The following SRC variants were observed in gnomAD, a reference collection of about 807,000 sequenced individuals.
The protein encoded by SRC is SRC proto-oncogene, non-receptor tyrosine kinase.
Under a neutral mutation model 62.9 loss-of-function variants are expected in SRC, and 13 were observed. The observed-to-expected ratio is 0.21, with a 90% confidence interval of 0.13 to 0.33. The LOEUF is 0.33. SRC is among the 10% of genes least tolerant of loss of function. The probability of loss-of-function intolerance (pLI) is 1.00; values close to 1 mark genes in which losing one functional copy is unlikely to be tolerated. For missense variants in SRC, 457 were observed against 737.3 expected, an observed-to-expected ratio of 0.62 and a Z score of 4.40; for synonymous variants, 302 against 317.5, an observed-to-expected ratio of 0.95 and a Z score of 0.52.
chr20:37,370,969 C>T (rs1158542725), intron 2 of SRC, among the ~76,000 whole-genome samples: 1 of 142,240 alleles, frequency 7.0e-6, no homozygotes, highest in Non-Finnish European at 1.5e-5. Flanking sequence ...TCTATTTCTT[C>T]TTCTTCTTCT....
intron 2 of SRC, among the ~76,000 whole-genome samples, chr20:37,381,233 C>G (rs2070361893): frequency 6.6e-6 from 1 of 152,260 alleles, no homozygotes; most frequent in African/African-American, 2.4e-5. Flanking sequence ...CCCTGTTATG[C>G]TTTTTCTGAG....
rs1368376567 is a variant in SRC, at chr20:37,398,342, G to C, written c.859+488G>C. On this transcript the variant is annotated intron_variant, in intron 9 of 13. Transcript: ENST00000373578. This position sits in a 1 kb window ranked among gnomAD's most constrained non-coding sequence, Gnocchi z 5.2. ...CGTCTGACCCTGGAGAAACAGCAAAGCATGAGCACCGTGCAGCCCTGACAA... is the reference window on the plus strand; with the variant it reads ...CGTCTGACCCTGGAGAAACAGCAAACCATGAGCACCGTGCAGCCCTGACAA... 6.6e-6 allele frequency among the ~76,000 whole-genome samples: 1 copy of C among 152,240 alleles called. No individual in the cohort carries two copies. Among genetic ancestry groups the C allele is most frequent in the East Asian group, 1.9e-4 (1 of 5,204 alleles).
intron 7 of SRC, among the ~76,000 whole-genome samples, chr20:37,395,421 C>T (rs979916692): frequency 1.3e-5 from 2 of 152,270 alleles, no homozygotes; most frequent in African/African-American, 4.8e-5. Flanking sequence ...GCCTTGTTCC[C>T]TGATGCCATT....
rs911698102 is a variant in SRC at position 37,346,271 on chromosome 20, C to T, written c.-247+16C>T. 6.7e-5 allele frequency: 10 copies of T among 149,892 alleles called. No individual in the cohort carries two copies. Among genetic ancestry groups the T allele is most frequent in the African/African-American group, 1.9e-4 (8 of 41,032 alleles). 9.3% of individuals were successfully genotyped at this position (149,892 alleles called of 1,614,324 possible). On this transcript the variant is annotated intron_variant, in intron 1 of 13. Transcript: ENST00000373578. The stretch of plus-strand genomic sequence containing the variant: ...GCCGGCCCAGGTGAGCGCCCCCCGC[C>T]CCTCCGCGGACCCCCCGCCCCGGCC...
At chr20:37,379,941 GTAA>G (rs1176243961) in intron 2 of SRC, among the ~76,000 whole-genome samples, 1 of 50,054 alleles carries the variant, frequency 2.0e-5, no homozygotes, top group African/African-American at 8.5e-5. Context: ...AGAGCTTGGA[GTAA>G]AAAAAAAAAA....
chr20:37,397,178 T>C lies in SRC; in HGVS notation c.704-521T>C, dbSNP rs1377243793. Among the ~76,000 whole-genome samples the C allele has an allele frequency of 6.6e-6, 1 of 152,162 alleles. No homozygotes were observed. The highest frequency in any genetic ancestry group is 2.4e-5 in the African/African-American group (1 of 41,430). ...CCTGCGCCCCTTTGTCCTCCGCTTC[T>C]CCAGCCCTGCAGCTGTTCTTTCCTC... On this transcript the variant is annotated intron_variant, in intron 8 of 13. Transcript: ENST00000373578. The surrounding 1 kb of genome is among the most constrained non-coding windows in gnomAD (Gnocchi z 4.1).
intron 1 of SRC, among the ~76,000 whole-genome samples, chr20:37,346,675 G>C (rs991357446): frequency 6.6e-6 from 1 of 152,018 alleles, no homozygotes; most frequent in East Asian, 1.9e-4. Context: ...CGGGTGGGAG[G>C]TGGGGGGATC....
Position 37,404,519 on chromosome 20 carries a change from C to T in SRC, c.*1140C>T, listed in dbSNP as rs1436540066. 2 of 233,610 alleles carry T rather than the reference C, an allele frequency of 8.6e-6. No individual in the cohort carries two copies. The highest frequency in any genetic ancestry group is 1.7e-5 in the Non-Finnish European group (2 of 118,048). 14.5% of individuals were successfully genotyped at this position (233,610 alleles called of 1,614,324 possible). A position where few individuals can be genotyped will look rare whatever the true frequency, so the allele number is the denominator to read the frequency against. On this transcript the variant is annotated 3_prime_UTR_variant, in exon 14 of 14. Coordinates refer to ENST00000373578, the MANE Select transcript of SRC (RefSeq NM_198291.3). Reference sequence around the variant, plus strand: ...GCATTTCAATTCCTGGCCCTGTTCTCCTCCCCAAGTCGGCACCCTTTAACT... The same window carrying T: ...GCATTTCAATTCCTGGCCCTGTTCTTCTCCCCAAGTCGGCACCCTTTAACT...
In SRC at chr20:37,384,757, G is replaced by A. The variant is rs1036324509; in HGVS notation, c.250+354G>A. On this transcript the variant is annotated intron_variant, in intron 4 of 13. Coordinates refer to ENST00000373578, the MANE Select transcript of SRC (RefSeq NM_198291.3). This position sits in a 1 kb window ranked among gnomAD's most constrained non-coding sequence, Gnocchi z 6.7. ...CCTGGGTCCGCCCAGAGATGAGTCG[G>A]GACGCGCGGCCCACGTGCGGCGGAG... Among the ~76,000 whole-genome samples, 2 of 152,284 alleles carry A rather than the reference G, an allele frequency of 1.3e-5. No homozygotes were observed. Among genetic ancestry groups the A allele is most frequent in the South Asian group, 2.1e-4 (1 of 4,834 alleles).
intron 2 of SRC, among the ~76,000 whole-genome samples, chr20:37,373,462 T>TAC (rs1197759416): frequency 1.3e-5 from 2 of 151,458 alleles, no homozygotes; most frequent in East Asian, 1.9e-4. Flanking sequence ...TATGCATATA[T>TAC]ACACACACAC....
chr20:37,402,941 G>T lies in SRC; in HGVS notation c.1402+61G>T. ...AATCCCTCTGCCCTGGTGGCCTTGG[G>T]CAAGTCATGACTCCTGCTGGGCCTG... On this transcript the variant is annotated intron_variant, in intron 13 of 13. Transcript: ENST00000373578. This position sits in a 1 kb window ranked among gnomAD's most constrained non-coding sequence, Gnocchi z 6.2. 3 of 1,564,680 alleles carry T rather than the reference G, an allele frequency of 1.9e-6. No homozygotes were observed. The highest frequency in any genetic ancestry group is 2.6e-6 in the Non-Finnish European group (3 of 1,157,792).
rs2070750327 is a variant in SRC at position 37,402,345 on chromosome 20, G to A, written c.1117-90G>A. The stretch of plus-strand genomic sequence containing the variant: ...AAGAAGTGTGGGGAGGGTGGGGAAG[G>A]GGTGGTTGGCTCTCCAGCCCCAGAG... On this transcript the variant is annotated intron_variant, in intron 11 of 13. Transcript: ENST00000373578. The surrounding 1 kb of genome is among the most constrained non-coding windows in gnomAD (Gnocchi z 6.2). The A allele has an allele frequency of 6.7e-7, 1 of 1,501,848 alleles. No homozygotes were observed. Among genetic ancestry groups the A allele is most frequent in the East Asian group, 2.3e-5 (1 of 43,918 alleles). 93.0% of individuals were successfully genotyped at this position (1,501,848 alleles called of 1,614,324 possible).
chr20:37,401,918 C>T (rs1266353420), intron 11 of SRC: 3 of 445,724 alleles, frequency 6.7e-6, no homozygotes, highest in East Asian at 3.6e-5. Context: ...TGTGGGACCT[C>T]GGGCCTCAGT....
chr20:37,347,409 T>C (rs6017938), intron 1 of SRC, among the ~76,000 whole-genome samples: 8,690 of 152,150 alleles, frequency 0.057, 415 homozygotes, highest in African/African-American at 0.13. Context: ...CCCCTCTAAG[T>C]CCCTATACGT....
At position 37,402,876 on chromosome 20, in the gene SRC, C is replaced by T. The variant is rs1423415963; in HGVS notation, c.1398C>T (p.Tyr466=). 6.2e-7 allele frequency: 1 copy of T among 1,613,382 alleles called. No individual in the cohort carries two copies. Among genetic ancestry groups the T allele is most frequent in the East Asian group, 2.2e-5 (1 of 44,870 alleles). ...TELTTKGRVP[Y]PGMVNREVLD... is the part of the protein sequence containing the mutation. ...TCACCACAAAGGGACGGGTGCCCTACCCTGGTAAGAAGGTCCTCATGGCCT... is the reference window on the plus strand; with the variant it reads ...TCACCACAAAGGGACGGGTGCCCTATCCTGGTAAGAAGGTCCTCATGGCCT... The change falls in exon 13 of 14, where the codon TAC becomes TAT. Residue 466 remains tyrosine (Y), a synonymous_variant. Transcript: ENST00000373578. The surrounding 1 kb of genome is among the most constrained non-coding windows in gnomAD (Gnocchi z 6.2).
intron 6 of SRC, 51 bp downstream of exon 6, chr20:37,394,044 T>C (rs2070597324): frequency 6.3e-7 from 1 of 1,583,620 alleles, no homozygotes; most frequent in Non-Finnish European, 8.7e-7. Flanking sequence ...ACACTGCCGG[T>C]GCAGAGTGCC....
At chr20:37,389,144 C>T (rs555062872) in intron 5 of SRC, among the ~76,000 whole-genome samples, 1 of 152,242 alleles carries the variant, frequency 6.6e-6, no homozygotes, top group East Asian at 1.9e-4. Flanking sequence ...CCACATGGCC[C>T]TGGGTCCTGG....
At chr20:37,355,157 G>A (rs537926145) in intron 1 of SRC, among the ~76,000 whole-genome samples, 31 of 152,230 alleles carry the variant, frequency 2.0e-4, no homozygotes, top group African/African-American at 7.5e-4. Flanking sequence ...CAACTGTGGT[G>A]ATTTTGGGTG....
Position 37,402,687 on chromosome 20 carries a change from T to C in SRC, c.1271-62T>C. ...CCTCAGCTGTCATTCCTCATGGTGCTTATCTAGCAGAGCGGTCATGACAGG... is the reference window on the plus strand; with the variant it reads ...CCTCAGCTGTCATTCCTCATGGTGCCTATCTAGCAGAGCGGTCATGACAGG... On this transcript the variant is annotated intron_variant, in intron 12 of 13. Coordinates refer to ENST00000373578, the MANE Select transcript of SRC (RefSeq NM_198291.3). This position sits in a 1 kb window ranked among gnomAD's most constrained non-coding sequence, Gnocchi z 6.2. 6.3e-7 allele frequency: 1 copy of C among 1,575,670 alleles called. No individual in the cohort carries two copies. Among genetic ancestry groups the C allele is most frequent in the African/African-American group, 1.3e-5 (1 of 74,114 alleles).
Sources: gnomAD v4.1 joint callset for allele counts (sites outside exome capture counted in the v4.1 genomes callset) on GRCh38, gnomAD v4.1.1 for gene constraint, Gnocchi (gnomAD v3.1) non-coding constraint, MANE v1.5 for transcripts, NCBI Gene and HGNC (gene_info 2026-07-23, HGNC 2026-07-21) for gene names.